MXRA5: variants seen among roughly 807,000 people sequenced by gnomAD.
The protein encoded by MXRA5 is matrix remodeling associated 5.
MXRA5 carries 41 observed loss-of-function variants against 112.5 expected under a neutral mutation model. The observed-to-expected ratio is 0.36, with a 90% CI of 0.28 to 0.47. The LOEUF is 0.47. MXRA5 is among the 20% of genes least tolerant of loss of function. The pLI is 0.99. For missense variants in MXRA5, 2,150 were observed against 2,251.0 expected (o/e 0.96, Z 0.91); for synonymous variants, 862 against 900.8 (o/e 0.96, Z 0.77).
Position 3,310,721 on chromosome X carries a change from C to T in MXRA5, c.7482G>A (p.Arg2494=), listed in dbSNP as rs779950232. Residue 2494 remains arginine, a synonymous_variant, in exon 7 of 7, where the codon CGG becomes CGA. Coordinates refer to ENST00000217939, the MANE Select transcript of MXRA5 (RefSeq NM_015419.4). ...VVLPAPYYGN[R]ITVHGNGSLD... ...GGGAACCGTTGCCATGGACAGTGAT[C>T]CGGTTTCCATAGTATGGAGCTGGCA... 9 of 1,199,062 alleles carry T rather than the reference C, an allele frequency of 7.5e-6. No individual in the cohort carries two copies. The highest frequency in any genetic ancestry group is 1.0e-5 in the Non-Finnish European group (9 of 890,095).
At chrX:3,343,920 C>A in intron 1 of MXRA5, 59 bp from the exon 2 acceptor site, 2 of 993,292 alleles carry the variant, frequency 2.0e-6, no homozygotes, top group South Asian at 2.4e-5. Context: ...GAACTGTGGG[C>A]AATTTTTAAA....
rs931580115 is a variant in MXRA5 at position 3,346,563 on chromosome X, C to T, written c.-77G>A. 215 of 753,449 alleles carry T rather than the reference C, an allele frequency of 2.9e-4. 2 individuals are homozygous for T. In the African/African-American group the frequency reaches 4.8e-3, roughly 17 times the overall value. 62.1% of individuals were successfully genotyped at this position (753,449 alleles called of 1,213,427 possible). A position where few individuals can be genotyped will look rare whatever the true frequency, so the allele number is the denominator to read the frequency against. On this transcript the variant is annotated 5_prime_UTR_variant, in exon 1 of 7. Coordinates refer to ENST00000217939, the MANE Select transcript of MXRA5 (RefSeq NM_015419.4). ...ACGGGAGCGGTGCGCCGGGAGCATC[C>T]ACCGAGCCGGGGCGCGCGAGTCACG...
At chrX:3,312,799 G>GACTT (rs1241917295) in intron 6 of MXRA5, among the ~76,000 whole-genome samples, 2 of 110,991 alleles carry the variant, frequency 1.8e-5, no homozygotes, top group African/African-American at 6.6e-5. Flanking sequence ...TGAACTCCTG[G>GACTT]ACTTAAGTGA....
chrX:3,320,933 C>A lies in MXRA5; in HGVS notation c.4752G>T (p.Arg1584Ser). 5 of 1,211,464 alleles carry A rather than the reference C, an allele frequency of 4.1e-6. No homozygotes were observed. The highest frequency in any genetic ancestry group is 5.6e-6 in the Non-Finnish European group (5 of 895,328). ...LELEKQVFGSRSLPRGPDSQR... is the reference protein window; with the variant it reads ...LELEKQVFGSSSLPRGPDSQR... ...GGCTATCTGGGCCACGTGGTAGACT[C>A]CTACTACCAAATACTTGCTTTTCCA... The change falls in exon 5 of 7, where the codon AGG becomes AGT. Residue 1584 changes from arginine to serine, a missense_variant. Arg to Ser is a moderately radical substitution (Grantham distance 110). Coordinates refer to ENST00000217939, the MANE Select transcript of MXRA5 (RefSeq NM_015419.4).
chrX:3,324,317 G>A lies in MXRA5; in HGVS notation c.1368C>T (p.Tyr456=). 1 of 1,211,724 alleles carries A rather than the reference G, an allele frequency of 8.3e-7. No homozygotes were observed. The highest frequency in any genetic ancestry group is 1.7e-5 in the African/African-American group (1 of 57,800). Reference sequence around the variant, plus strand: ...TGGATATTGTTTGAGAATACTGGGTGTAGTAGGAAAGTAGCACCTTCTTGG... The same window carrying A: ...TGGATATTGTTTGAGAATACTGGGTATAGTAGGAAAGTAGCACCTTCTTGG... The part of the protein sequence containing the change: ...STAKKVLLSY[Y]TQYSQTISTK... The change falls in exon 5 of 7, where the codon TAC becomes TAT. Residue 456 remains tyrosine (Y), a synonymous_variant. Transcript: ENST00000217939.
intron 2 of MXRA5, among the ~76,000 whole-genome samples, chrX:3,337,015 A>C (rs1053179796): frequency 1.6e-4 from 18 of 112,095 alleles, no homozygotes; most frequent in African/African-American, 5.8e-4. Flanking sequence ...GAAAGGTAAA[A>C]ATAATGAAAA....
chrX:3,323,346 G>A lies in MXRA5; in HGVS notation c.2339C>T (p.Pro780Leu), dbSNP rs370633128. The change falls in exon 5 of 7, where the codon CCG becomes CTG. Residue 780 changes from proline (P) to leucine (L), a missense_variant. By Grantham distance (98) the Pro-to-Leu change is moderately conservative. Around this residue, in one of 6 missense-constraint regions of MXRA5, gnomAD observed 1,485 missense variants for 1,471.6 expected, o/e 1.01. Coordinates refer to ENST00000217939, the MANE Select transcript of MXRA5 (RefSeq NM_015419.4). Reference protein sequence around the residue: ...RINMANKQINPERWADILAKV... With the variant: ...RINMANKQINLERWADILAKV... ...GGCTAAAATATCAGCCCAGCGCTCCGGATTAATCTGTTTGTTTGCCATGTT... is the reference window on the plus strand; with the variant it reads ...GGCTAAAATATCAGCCCAGCGCTCCAGATTAATCTGTTTGTTTGCCATGTT... 8.7e-5 allele frequency: 105 copies of A among 1,209,668 alleles called. 1 individual carries two copies. Among genetic ancestry groups the A allele is most frequent in the Middle Eastern group, 4.6e-4 (2 of 4,343 alleles).
At chrX:3,336,201 C>T (rs1365642088) in intron 2 of MXRA5, among the ~76,000 whole-genome samples, 1 of 111,960 alleles carries the variant, frequency 8.9e-6, no homozygotes, top group Non-Finnish European at 1.9e-5. Context: ...TCACTGTCTC[C>T]TGTCACCCCC....
chrX:3,320,545 C>T lies in MXRA5; in HGVS notation c.5140G>A (p.Val1714Ile). ...NNNIPEARNP[V>I]GKPPSPRIPH... ...ATTCTTGGACTGGGAGGCTTTCCAA[C>T]TGGGTTTCTTGCCTCAGGGATGTTG... Residue 1714 changes from valine to isoleucine, a missense_variant, in exon 5 of 7, where the codon GTT becomes ATT. Val to Ile is a conservative substitution (Grantham distance 29). Coordinates refer to ENST00000217939, the MANE Select transcript of MXRA5 (RefSeq NM_015419.4). 1 of 1,211,922 alleles carries T rather than the reference C, an allele frequency of 8.3e-7. No individual in the cohort carries two copies.
Position 3,322,077 on chromosome X carries a change from G to A in MXRA5, c.3608C>T (p.Thr1203Ile). The change falls in exon 5 of 7, where the codon ACA becomes ATA. Residue 1203 changes from threonine to isoleucine, a missense_variant. By Grantham distance (89) the Thr-to-Ile change is moderately conservative. Coordinates refer to ENST00000217939, the MANE Select transcript of MXRA5 (RefSeq NM_015419.4). ...ATTAACTGTGTTATCCACCCAAGCT[G>A]TAGGAACCAGAGAACTCTCCACTTG... ...SSQVESSLVP[T>I]AWVDNTVNTP... is the part of the protein sequence containing the mutation. 2.5e-6 allele frequency: 3 copies of A among 1,211,305 alleles called. No individual in the cohort carries two copies. The highest frequency in any genetic ancestry group is 3.4e-6 in the Non-Finnish European group (3 of 895,371).
Position 3,320,166 on chromosome X carries a change from C to T in MXRA5, c.5519G>A (p.Gly1840Glu). 4 of 1,210,854 alleles carry T rather than the reference C, an allele frequency of 3.3e-6. No homozygotes were observed. In the African/African-American group the frequency reaches 5.2e-5, roughly 16 times the overall value. The change falls in exon 5 of 7, where the codon GGA (glycine) becomes GAA (glutamate). Residue 1840 changes from glycine to glutamate, a missense_variant. Gly to Glu is a moderately conservative substitution (Grantham distance 98, BLOSUM62 -2). Coordinates refer to ENST00000217939, the MANE Select transcript of MXRA5 (RefSeq NM_015419.4). ...AGACCAGAATTTGGATGCAGGAGGTCCTCCTGCAAAGAACTTTGAGCTGCT... is the reference window on the plus strand; with the variant it reads ...AGACCAGAATTTGGATGCAGGAGGTTCTCCTGCAAAGAACTTTGAGCTGCT... ...HQSSSKFFAG[G>E]PPASKFWSLG... is the part of the protein sequence containing the mutation.
intron 2 of MXRA5, among the ~76,000 whole-genome samples, chrX:3,331,976 G>T (rs1454189016): frequency 8.9e-6 from 1 of 111,883 alleles, no homozygotes; most frequent in African/African-American, 3.3e-5. Context: ...AAATCAATTA[G>T]CAGGGAACAT....
At chrX:3,312,560 CT>C (rs773869772) in intron 6 of MXRA5, among the ~76,000 whole-genome samples, 1,290 of 90,970 alleles carry the variant, frequency 0.014, 26 homozygotes, top group African/African-American at 0.042. Flanking sequence ...ACCACACTTT[CT>C]TTTTTTTTTT....
chrX:3,335,344 G>C (rs1262715690), intron 2 of MXRA5, among the ~76,000 whole-genome samples: 1 of 110,224 alleles, frequency 9.1e-6, no homozygotes, highest in Admixed American at 9.7e-5. Flanking sequence ...CTACAGGCGT[G>C]TGCTACCCCG....
intron 6 of MXRA5, among the ~76,000 whole-genome samples, chrX:3,314,550 A>T (rs1232698895): frequency 8.9e-6 from 1 of 112,380 alleles, no homozygotes; most frequent in African/African-American, 3.2e-5. Context: ...ATGGATACGT[A>T]AGAGATAAGA....
In MXRA5 at chrX:3,346,603, G is replaced by C. The variant is rs1251764752; in HGVS notation, c.-117C>G. 2.7e-6 allele frequency: 2 copies of C among 743,474 alleles called. No individual in the cohort carries two copies. The highest frequency in any genetic ancestry group is 2.3e-5 in the African/African-American group (1 of 43,326). The allele number at this position is 743,474 out of a possible 1,213,427, so 61.3% of individuals were successfully genotyped here. A position where few individuals can be genotyped will look rare whatever the true frequency, so the allele number is the denominator to read the frequency against. On this transcript the variant is annotated 5_prime_UTR_variant, in exon 1 of 7. Transcript: ENST00000217939. The stretch of plus-strand genomic sequence containing the variant: ...CGCGAGTCACGGCCGGGAGTTTGCC[G>C]GGGCCATGCCCTTCCCGGGGCCGGG...
intron 4 of MXRA5, 87 bp from the exon 5 acceptor site, chrX:3,325,062 G>A: frequency 1.0e-6 from 1 of 992,784 alleles, no homozygotes; most frequent in South Asian, 2.9e-5. Context: ...GCCTATGTTT[G>A]CATCTTTATC....
At position 3,308,761 on chromosome X, in the gene MXRA5, C is replaced by T. The variant is rs1395357459; in HGVS notation, c.*955G>A. On this transcript the variant is annotated 3_prime_UTR_variant, in exon 7 of 7. Transcript: ENST00000217939. ...AAGTTTCTGGGCTTTTCGGGGAAGACTCTAGATTCAATTCTGTAAAGTTAT... is the reference window on the plus strand; with the variant it reads ...AAGTTTCTGGGCTTTTCGGGGAAGATTCTAGATTCAATTCTGTAAAGTTAT... 9.0e-6 allele frequency: 1 copy of T among 111,125 alleles called. No homozygotes were observed. Among genetic ancestry groups the T allele is most frequent in the East Asian group, 2.8e-4 (1 of 3,533 alleles). The allele number at this position is 111,125 out of a possible 1,213,427, so 9.2% of individuals were successfully genotyped here. A position where few individuals can be genotyped will look rare whatever the true frequency, so the allele number is the denominator to read the frequency against.
chrX:3,339,113 A>G (rs1352805298), intron 2 of MXRA5, among the ~76,000 whole-genome samples: 1 of 111,137 alleles, frequency 9.0e-6, no homozygotes, highest in Non-Finnish European at 1.9e-5. Context: ...GAAAATAGGA[A>G]CAAAGGATAA....
Sources: gnomAD v4.1 joint callset for allele counts (sites outside exome capture counted in the v4.1 genomes callset) on GRCh38, gnomAD v4.1.1 for gene constraint, gnomAD v4.1.1 regional missense constraint, MANE v1.5 for transcripts, NCBI Gene and HGNC (gene_info 2026-07-23, HGNC 2026-07-21) for gene names.